EIF4ENIF1: variants seen among roughly 807,000 people sequenced by gnomAD.
EIF4ENIF1 encodes eukaryotic translation initiation factor 4E transporter.
In EIF4ENIF1, 23 loss-of-function variants were observed where a neutral mutation model predicts 110.5. The observed-to-expected ratio is 0.21, with a 90% CI of 0.15 to 0.29. The LOEUF (loss-of-function observed/expected upper bound fraction) is 0.29, where lower values mean the gene tolerates loss of function less well. Ranked by LOEUF, EIF4ENIF1 falls within the 10% of genes least tolerant of loss-of-function variation. The pLI is 1.00. For synonymous variants in EIF4ENIF1, 440 were observed against 437.0 expected, an observed-to-expected ratio of 1.01 and a Z score of -0.09; for missense variants, 1,031 against 1,221.1, an observed-to-expected ratio of 0.84 and a Z score of 2.32.
At chr22:31,482,595 T>C (rs5749283) in intron 2 of EIF4ENIF1, among the ~76,000 whole-genome samples, 33,145 of 151,314 alleles carry the variant, frequency 0.22, 4,621 homozygotes, top group East Asian at 0.44. Context: ...GGCAGGAGAA[T>C]TGCTTGAACC....
In EIF4ENIF1 at chr22:31,463,706, C is replaced by T. The variant is rs1411153937; in HGVS notation, c.560G>A (p.Arg187Lys). 6 of 1,612,900 alleles carry T rather than the reference C, an allele frequency of 3.7e-6. No individual in the cohort carries two copies. The highest frequency in any genetic ancestry group is 3.3e-5 in the Admixed American group (2 of 59,776). Residue 187 changes from arginine (R) to lysine (K), a missense_variant, in exon 5 of 19, where the codon AGG (arginine) becomes AAG (lysine). By Grantham distance (26) the Arg-to-Lys change is conservative. Coordinates refer to ENST00000330125, the MANE Select transcript of EIF4ENIF1 (RefSeq NM_019843.4). Reference protein sequence around the residue: ...LRDLRDRDRERDFKDKRFRRE... With the variant: ...LRDLRDRDREKDFKDKRFRRE... The stretch of plus-strand genomic sequence containing the variant: ...CCTGAAACGCTTGTCCTTGAAGTCC[C>T]TCTCTCGGTCTCTGTCTCTCAAGTC...
intron 2 of EIF4ENIF1, among the ~76,000 whole-genome samples, chr22:31,481,566 A>G (rs575600475): frequency 6.6e-6 from 1 of 152,336 alleles, no homozygotes; most frequent in African/African-American, 2.4e-5. Flanking sequence ...GTTATCAAAT[A>G]AGATTTCTGT....
intron 7 of EIF4ENIF1, among the ~76,000 whole-genome samples, chr22:31,456,563 G>T (rs567602751): frequency 6.6e-6 from 1 of 151,848 alleles, no homozygotes; most frequent in East Asian, 1.9e-4. Flanking sequence ...TGCCCAGGCT[G>T]AAGTGCAGGG....
At chr22:31,444,248 C>T (rs1372024397) in intron 15 of EIF4ENIF1, among the ~76,000 whole-genome samples, 1 of 152,150 alleles carries the variant, frequency 6.6e-6, no homozygotes, top group African/African-American at 2.4e-5. Context: ...TTTCAATAGA[C>T]TCCCCACTGT....
chr22:31,456,436 G>C (rs1005182003), intron 7 of EIF4ENIF1, among the ~76,000 whole-genome samples: 3 of 151,816 alleles, frequency 2.0e-5, no homozygotes, highest in East Asian at 3.9e-4. Flanking sequence ...TGTTAGCCAG[G>C]ATGGTCTCGA....
At chr22:31,455,056 G>C in intron 9 of EIF4ENIF1, 80 bp downstream of exon 9, 6 of 1,249,814 alleles carry the variant, frequency 4.8e-6, no homozygotes, top group Non-Finnish European at 6.5e-6. Context: ...TGAAACAGAG[G>C]TTATGTTAGA....
At chr22:31,450,016 C>T (rs1454502479) in intron 11 of EIF4ENIF1, among the ~76,000 whole-genome samples, 1 of 152,176 alleles carries the variant, frequency 6.6e-6, no homozygotes, top group Non-Finnish European at 1.5e-5. Flanking sequence ...CAGGTGTGAG[C>T]CACCGTGCCT....
intron 10 of EIF4ENIF1, chr22:31,450,938 T>TGGTG (rs2050653852): frequency 6.4e-6 from 1 of 155,202 alleles, no homozygotes; most frequent in Admixed American, 6.5e-5. Flanking sequence ...TGGAGTGCAG[T>TGGTG]GGTGCAATCA....
Position 31,449,321 on chromosome 22 carries a change from T to C in EIF4ENIF1, c.1768+27A>G, listed in dbSNP as rs1206031729. 3 of 1,606,908 alleles carry C rather than the reference T, an allele frequency of 1.9e-6. No individual in the cohort carries two copies. The African/African-American group carries it at 4.0e-5, about 22-fold the overall frequency. On this transcript the variant is annotated intron_variant, in intron 12 of 18. Coordinates refer to ENST00000330125, the MANE Select transcript of EIF4ENIF1 (RefSeq NM_019843.4). ...TACCGTGCCTGGCCATAAATTCATA[T>C]TTCTTTTGACAAATAAGTATATTTA... is the stretch of plus-strand genomic sequence containing the variant.
chr22:31,463,994 TAAAC>T (rs2051088585), intron 4 of EIF4ENIF1, 27 bp from the exon 5 acceptor site: 4 of 1,595,802 alleles, frequency 2.5e-6, no homozygotes, highest in Middle Eastern at 1.7e-4. Flanking sequence ...AAGACAAAGT[TAAAC>T]AAACCAACAA....
chr22:31,467,293 C>T (rs746134123), intron 4 of EIF4ENIF1, among the ~76,000 whole-genome samples: 10 of 152,182 alleles, frequency 6.6e-5, no homozygotes, highest in Middle Eastern at 6.8e-3. Flanking sequence ...AAACTAGAGC[C>T]GGGCTATCTT....
chr22:31,444,878 A>G (rs192466109), intron 14 of EIF4ENIF1, among the ~76,000 whole-genome samples, 188 bp from the exon 15 acceptor site: 1 of 152,338 alleles, frequency 6.6e-6, no homozygotes, highest in Admixed American at 6.5e-5. Flanking sequence ...CAAAAGGAAA[A>G]TGAAACACAG....
At chr22:31,490,257 C>T (rs1219061041), upstream of EIF4ENIF1, among the ~76,000 whole-genome samples, 4 of 152,234 alleles carry the variant, frequency 2.6e-5, no homozygotes, top group Non-Finnish European at 4.4e-5. Context: ...TGTGGCGCGA[C>T]GACCGCTGTA....
intron 4 of EIF4ENIF1, among the ~76,000 whole-genome samples, chr22:31,467,105 T>C (rs2051215033): frequency 6.6e-6 from 1 of 152,224 alleles, no homozygotes; most frequent in Non-Finnish European, 1.5e-5. Flanking sequence ...TTCCCATATA[T>C]GGATACACCG....
chr22:31,444,310 C>G (rs1241826680), intron 15 of EIF4ENIF1: 1 of 293,568 alleles, frequency 3.4e-6, no homozygotes, highest in Non-Finnish European at 6.7e-6. Flanking sequence ...CTATCGTCCT[C>G]CTGTCTCCCC....
At chr22:31,456,475 G>A (rs1004449184) in intron 7 of EIF4ENIF1, among the ~76,000 whole-genome samples, 12 of 151,658 alleles carry the variant, frequency 7.9e-5, no homozygotes, top group South Asian at 2.1e-4. Context: ...CGCCCGCCTT[G>A]GCCTCCCAAA....
intron 10 of EIF4ENIF1, chr22:31,453,307 T>A: frequency 2.8e-6 from 1 of 360,058 alleles, no homozygotes; most frequent in Non-Finnish European, 5.5e-6. Flanking sequence ...GTTTTGTTTT[T>A]AACTTGGAGC....
chr22:31,463,553 G>A lies in EIF4ENIF1; in HGVS notation c.585+128C>T, dbSNP rs149046010. ...AAAAGTTAGCCGGGTATGGTGGTGCGTGCCTATAATCCCAGATACTGGGCT... is the reference window on the plus strand; with the variant it reads ...AAAAGTTAGCCGGGTATGGTGGTGCATGCCTATAATCCCAGATACTGGGCT... On this transcript the variant is annotated intron_variant, in intron 5 of 18. Transcript: ENST00000330125. 2.7e-4 allele frequency: 241 copies of A among 905,806 alleles called. No homozygotes were observed. In the African/African-American group the frequency reaches 3.1e-3, roughly 12 times the overall value. 56.1% of individuals were successfully genotyped at this position (905,806 alleles called of 1,614,324 possible).
chr22:31,466,607 C>G (rs1406013112), intron 4 of EIF4ENIF1, among the ~76,000 whole-genome samples: 1 of 127,928 alleles, frequency 7.8e-6, no homozygotes, highest in Non-Finnish European at 1.5e-5. Flanking sequence ...AAAAACAAAG[C>G]AAATCAGCGC....
Sources: gnomAD v4.1 joint callset for allele counts (sites outside exome capture counted in the v4.1 genomes callset) on GRCh38, gnomAD v4.1.1 for gene constraint, MANE v1.5 for transcripts, NCBI Gene and HGNC (gene_info 2026-07-23, HGNC 2026-07-21) for gene names.